The following NCKAP5 variants were observed in gnomAD, a reference collection of about 807,000 sequenced individuals.
NCKAP5 encodes the protein nck-associated protein 5.
Under a neutral mutation model 167.0 loss-of-function variants are expected in NCKAP5, and 92 were observed. That is an observed-to-expected ratio of 0.55 (90% CI 0.47 to 0.66). NCKAP5 has a LOEUF of 0.66. Among genes scored for constraint, NCKAP5 ranks in the 30% least tolerant of loss-of-function variants. NCKAP5 has a pLI of 0.00. For missense variants in NCKAP5, 2,378 were observed against 2,315.0 expected (o/e 1.03, Z -0.56); for synonymous variants, 891 against 877.4 (o/e 1.02, Z -0.27).
chr2:132,673,234 G>T lies in NCKAP5; in HGVS notation c.*55C>A, dbSNP rs1044076983. 4 of 1,473,098 alleles carry T rather than the reference G, an allele frequency of 2.7e-6. No individual in the cohort carries two copies. The highest frequency in any genetic ancestry group is 2.7e-6 in the Non-Finnish European group (3 of 1,114,554). 91.3% of individuals were successfully genotyped at this position (1,473,098 alleles called of 1,614,324 possible). A position where few individuals can be genotyped will look rare whatever the true frequency, so the allele number is the denominator to read the frequency against. ...TCACAGTATTGCTGTTAAATTTATT[G>T]AATGACTCTAGGGAAATTTTCGATA... is the stretch of plus-strand genomic sequence containing the variant. On this transcript the variant is annotated 3_prime_UTR_variant, in exon 20 of 20. Transcript: ENST00000409261.
At chr2:133,224,390 C>A (rs2150219248) in intron 4 of NCKAP5, among the ~76,000 whole-genome samples, 1 of 152,312 alleles carries the variant, frequency 6.6e-6, no homozygotes, top group South Asian at 2.1e-4. Flanking sequence ...AACGCCTTCG[C>A]TCATATTCAA....
chr2:133,385,423 C>A (rs181418502), intron 3 of NCKAP5, among the ~76,000 whole-genome samples: 19 of 152,042 alleles, frequency 1.2e-4, no homozygotes, highest in Admixed American at 9.2e-4. Context: ...GATAAGCTGT[C>A]GGATGTGCTG....
chr2:133,594,640 C>A, the NCKAP5 span, among the ~76,000 whole-genome samples: 1 of 152,170 alleles, frequency 6.6e-6, no homozygotes, highest in Non-Finnish European at 1.5e-5. Context: ...TTCTGCTACC[C>A]CTGCTTTCTC....
At chr2:133,216,784 A>G (rs971280199) in intron 4 of NCKAP5, among the ~76,000 whole-genome samples, 5 of 152,114 alleles carry the variant, frequency 3.3e-5, no homozygotes, top group African/African-American at 1.2e-4. Context: ...ACAAGGAGGC[A>G]AAACTTAGAA....
intron 5 of NCKAP5, among the ~76,000 whole-genome samples, chr2:133,137,530 G>C (rs575080348): frequency 6.6e-6 from 1 of 151,636 alleles, no homozygotes; most frequent in South Asian, 2.1e-4. Context: ...GAAATTTCAA[G>C]GGCAAGTAAG....
chr2:132,903,822 C>T (rs1693805240), intron 8 of NCKAP5, among the ~76,000 whole-genome samples: 1 of 152,092 alleles, frequency 6.6e-6, no homozygotes, highest in South Asian at 2.1e-4. Context: ...AATACACAAA[C>T]TATGATGAAA....
intron 3 of NCKAP5, among the ~76,000 whole-genome samples, chr2:133,439,709 A>C (rs1289396899): frequency 6.6e-6 from 1 of 152,214 alleles, no homozygotes; most frequent in Non-Finnish European, 1.5e-5. Context: ...GTCAATGATG[A>C]GTCAGTATAC....
intron 7 of NCKAP5, among the ~76,000 whole-genome samples, chr2:132,969,424 A>G (rs77553853): frequency 2.4e-3 from 368 of 152,004 alleles, no homozygotes; most frequent in African/African-American, 8.5e-3. Flanking sequence ...GAGAACAAGG[A>G]ATTGAGTACA....
the NCKAP5 span, among the ~76,000 whole-genome samples, chr2:133,616,420 A>G: frequency 1.3e-5 from 2 of 152,154 alleles, no homozygotes; most frequent in Non-Finnish European, 2.9e-5. Flanking sequence ...CTAATAAAGA[A>G]AAAAAGAGAG....
intron 8 of NCKAP5, among the ~76,000 whole-genome samples, chr2:132,935,224 C>T (rs1315742845): frequency 6.6e-6 from 1 of 152,124 alleles, no homozygotes. Flanking sequence ...AGCCATTTAT[C>T]CACCTTGAAA....
Position 133,486,230 on chromosome 2 carries a change from C to T in NCKAP5, c.69+31228G>A, listed in dbSNP as rs192718946. ...CATTCTTTCTCAGAAAGCCAAGTTG[C>T]CAGTGACTATACTAAATGCTGAAGT... On this transcript the variant is annotated intron_variant, in intron 3 of 19. Transcript: ENST00000409261. Among the ~76,000 whole-genome samples, 11 of 152,308 alleles carry T rather than the reference C, an allele frequency of 7.2e-5. No homozygotes were observed. In the East Asian group the frequency reaches 1.9e-3, roughly 27 times the overall value.
chr2:132,963,084 G>A (rs1226142997), intron 8 of NCKAP5, among the ~76,000 whole-genome samples: 1 of 151,930 alleles, frequency 6.6e-6, no homozygotes, highest in African/African-American at 2.4e-5. Context: ...TAACTAGAAT[G>A]GTCTTTGATG....
At chr2:132,720,009 T>C (rs1689757583) in intron 19 of NCKAP5, among the ~76,000 whole-genome samples, 1 of 152,174 alleles carries the variant, frequency 6.6e-6, no homozygotes, top group Non-Finnish European at 1.5e-5. Flanking sequence ...ACTAGAATTG[T>C]TATTTTACTT....
intron 4 of NCKAP5, among the ~76,000 whole-genome samples, chr2:133,216,960 A>C (rs911908930): frequency 6.6e-6 from 1 of 152,126 alleles, no homozygotes; most frequent in Non-Finnish European, 1.5e-5. Flanking sequence ...TTTAAAAACC[A>C]ACTGGCTCAT....
At chr2:133,562,102 C>T (rs889410676) in intron 1 of NCKAP5, among the ~76,000 whole-genome samples, 1 of 151,240 alleles carries the variant, frequency 6.6e-6, no homozygotes, top group Non-Finnish European at 1.5e-5. Flanking sequence ...CTTTGACATA[C>T]ACACAGAAAC....
chr2:133,388,321 C>T (rs1257381576), intron 3 of NCKAP5, among the ~76,000 whole-genome samples: 3 of 152,218 alleles, frequency 2.0e-5, no homozygotes, highest in Admixed American at 6.5e-5. Flanking sequence ...AGACTGTTTG[C>T]CTGGGTATCA....
In NCKAP5 at chr2:133,329,074, C is replaced by T. The variant is rs79582014; in HGVS notation, c.70-25964G>A. 8.2e-3 allele frequency among the ~76,000 whole-genome samples: 1,246 copies of T among 152,226 alleles called. 16 individuals are homozygous for T. The highest frequency in any genetic ancestry group is 0.041 in the East Asian group (212 of 5,172). ...TGTTTCCTTTACCCACATAGCTTGC[C>T]GTTAATACTTCTCTATTAAGCTTTC... On this transcript the variant is annotated intron_variant, in intron 3 of 19. Coordinates refer to ENST00000409261, the MANE Select transcript of NCKAP5 (RefSeq NM_207363.3).
At chr2:133,251,799 T>C (rs2088352590) in intron 4 of NCKAP5, among the ~76,000 whole-genome samples, 2 of 152,136 alleles carry the variant, frequency 1.3e-5, no homozygotes, top group Admixed American at 6.5e-5. Flanking sequence ...TAAAGAAACA[T>C]GAACTCAACA....
chr2:133,115,760 T>G (rs2082051392), intron 6 of NCKAP5, among the ~76,000 whole-genome samples: 1 of 107,090 alleles, frequency 9.3e-6, no homozygotes, highest in African/African-American at 4.2e-5. Context: ...TAAATTGAAG[T>G]ATATATGTGT....
Sources: gnomAD v4.1 joint callset for allele counts (sites outside exome capture counted in the v4.1 genomes callset) on GRCh38, gnomAD v4.1.1 for gene constraint, MANE v1.5 for transcripts, NCBI Gene and HGNC (gene_info 2026-07-23, HGNC 2026-07-21) for gene names.